MOCOS: variants seen among roughly 807,000 people sequenced by gnomAD.
MOCOS encodes human molybdenum cofactor sulfurase.
In MOCOS, 86 loss-of-function variants were observed where a neutral mutation model predicts 83.6. That is an observed-to-expected ratio of 1.03 (90% CI 0.86 to 1.23). The LOEUF is 1.23. Among genes scored for constraint, MOCOS ranks in the 50% most tolerant of loss-of-function variants. MOCOS has a pLI of 0.00. For missense variants in MOCOS, 1,120 were observed against 1,126.9 expected (o/e 0.99, Z 0.09); for synonymous variants, 445 against 434.7 (o/e 1.02, Z -0.29).
intron 11 of MOCOS, among the ~76,000 whole-genome samples, chr18:36,256,469 A>C (rs2091641962): frequency 6.6e-6 from 1 of 151,756 alleles, no homozygotes; most frequent in African/African-American, 2.4e-5. Flanking sequence ...AATTTTTTTG[A>C]GACAGAGTGT....
At chr18:36,253,231 T>C (rs1015744795) in intron 11 of MOCOS, among the ~76,000 whole-genome samples, 3 of 152,140 alleles carry the variant, frequency 2.0e-5, no homozygotes, top group Non-Finnish European at 4.4e-5. Context: ...GGAGTCTCCG[T>C]TGGTGAGATC....
chr18:36,220,610 A>G (rs1319813697), intron 9 of MOCOS, among the ~76,000 whole-genome samples: 1 of 152,208 alleles, frequency 6.6e-6, no homozygotes, highest in African/African-American at 2.4e-5. Context: ...TTCGGGAGAC[A>G]GAAAGATCTG....
rs1455226026 is a variant in MOCOS at position 36,240,344 on chromosome 18, C to G, written c.1961-8578C>G. Among the ~76,000 whole-genome samples, 5 of 135,882 alleles carry G rather than the reference C, an allele frequency of 3.7e-5. No homozygotes were observed. In the Admixed American group the frequency reaches 3.8e-4, roughly 10 times the overall value. 89.1% of individuals were successfully genotyped at this position (135,882 alleles called of 152,430 possible). On this transcript the variant is annotated intron_variant, in intron 9 of 14. Transcript: ENST00000261326. ...GATGTCCTTTCTGTTTGTTAGTTTT[C>G]CTTCTAACAGACAGGACCCTCAGCT...
chr18:36,194,633 A>G (rs556316842), intron 1 of MOCOS, among the ~76,000 whole-genome samples: 29 of 152,318 alleles, frequency 1.9e-4, no homozygotes, highest in Admixed American at 1.4e-3. Context: ...GCTGAGCATA[A>G]AGGTGTACCT....
chr18:36,206,112 G>T (rs2091433776), intron 6 of MOCOS, among the ~76,000 whole-genome samples: 1 of 152,026 alleles, frequency 6.6e-6, no homozygotes, highest in African/African-American at 2.4e-5. Context: ...ATTGGGCATT[G>T]GTGAACACCT....
intron 9 of MOCOS, among the ~76,000 whole-genome samples, chr18:36,240,154 C>T (rs1257420581): frequency 2.4e-5 from 3 of 126,838 alleles, no homozygotes; most frequent in African/African-American, 5.9e-5. Flanking sequence ...CATTCTCCGT[C>T]CAGCTTTGTT....
chr18:36,220,034 C>G (rs1341496636), intron 8 of MOCOS, 21 bp from the exon 9 acceptor site: 1 of 1,612,298 alleles, frequency 6.2e-7, no homozygotes, highest in Non-Finnish European at 8.5e-7. Context: ...TGGCCTGAGA[C>G]ACGTCTACCT....
At chr18:36,261,591 G>A (rs1175388717) in intron 13 of MOCOS, among the ~76,000 whole-genome samples, 1 of 152,106 alleles carries the variant, frequency 6.6e-6, no homozygotes, top group Non-Finnish European at 1.5e-5. Context: ...CTGGGGTATA[G>A]GAAATAAATT....
chr18:36,243,202 A>G (rs1006459165), intron 9 of MOCOS, among the ~76,000 whole-genome samples: 1 of 152,184 alleles, frequency 6.6e-6, no homozygotes, highest in Non-Finnish European at 1.5e-5. Context: ...TTAGGTATAC[A>G]GTTATATCAT....
At chr18:36,195,134 A>G in intron 1 of MOCOS, 123 bp from the exon 2 acceptor site, 1 of 802,948 alleles carries the variant, frequency 1.2e-6, no homozygotes, top group East Asian at 2.5e-5. Context: ...ATTAAGAGGC[A>G]CATATCAAGA....
At chr18:36,242,518 C>T (rs1363902943) in intron 9 of MOCOS, among the ~76,000 whole-genome samples, 1 of 152,230 alleles carries the variant, frequency 6.6e-6, no homozygotes, top group Non-Finnish European at 1.5e-5. Context: ...TTTCAAGTAT[C>T]TTTGTAGCCA....
At chr18:36,209,762 C>T (rs2091447581) in intron 6 of MOCOS, among the ~76,000 whole-genome samples, 1 of 152,156 alleles carries the variant, frequency 6.6e-6, no homozygotes, top group African/African-American at 2.4e-5. Context: ...AGGTTGGTTC[C>T]ATATTTTTGC....
rs749154342 is a variant in MOCOS, at chr18:36,268,699, C to CCT, written c.*14_*15insCT. ...GTTACCTCCTAAAAAAAATTTTTAG[C>CCT]ATAAAGTTTCTCTTTTACAGTGATC... On this transcript the variant is annotated 3_prime_UTR_variant, in exon 15 of 15. Transcript: ENST00000261326. 1.4e-5 allele frequency: 19 copies of CCT among 1,310,574 alleles called. No homozygotes were observed. The South Asian group carries it at 2.0e-4, about 14-fold the overall frequency. 81.2% of individuals were successfully genotyped at this position (1,310,574 alleles called of 1,614,324 possible). A position where few individuals can be genotyped will look rare whatever the true frequency, so the allele number is the denominator to read the frequency against.
intron 9 of MOCOS, among the ~76,000 whole-genome samples, chr18:36,223,457 C>T (rs2091504341): frequency 6.6e-6 from 1 of 152,086 alleles, no homozygotes; most frequent in Non-Finnish European, 1.5e-5. Flanking sequence ...GTGTATCTGT[C>T]TTTGTGCCAG....
At chr18:36,223,641 A>G (rs888995077) in intron 9 of MOCOS, among the ~76,000 whole-genome samples, 1 of 152,282 alleles carries the variant, frequency 6.6e-6, no homozygotes, top group South Asian at 2.1e-4. Context: ...TGCCATTGCG[A>G]TTTTGATAGG....
intron 9 of MOCOS, among the ~76,000 whole-genome samples, chr18:36,230,942 G>A (rs552428350): frequency 6.6e-6 from 1 of 152,094 alleles, no homozygotes; most frequent in South Asian, 2.1e-4. Context: ...GTTAATTTTT[G>A]TCTTACTGCA....
intron 9 of MOCOS, among the ~76,000 whole-genome samples, chr18:36,229,396 C>T (rs1049476080): frequency 6.6e-6 from 1 of 152,052 alleles, no homozygotes; most frequent in African/African-American, 2.4e-5. Context: ...TGAGGGTTCC[C>T]TTGTATATGA....
chr18:36,265,859 T>C (rs971137478), intron 13 of MOCOS, among the ~76,000 whole-genome samples: 2 of 152,224 alleles, frequency 1.3e-5, no homozygotes, highest in Admixed American at 1.3e-4. Flanking sequence ...AGATTCCTTT[T>C]AATACGTGCA....
chr18:36,213,534 C>T, intron 7 of MOCOS, 52 bp downstream of exon 7: 1 of 1,423,290 alleles, frequency 7.0e-7, no homozygotes, highest in Non-Finnish European at 9.9e-7. Context: ...CCCAGCAACA[C>T]CTGTTGCTGC....
Sources: gnomAD v4.1 joint callset for allele counts (sites outside exome capture counted in the v4.1 genomes callset) on GRCh38, gnomAD v4.1.1 for gene constraint, MANE v1.5 for transcripts, NCBI Gene and HGNC (gene_info 2026-07-23, HGNC 2026-07-21) for gene names.